The following PCLO variants were observed in gnomAD, a reference collection of about 807,000 sequenced individuals.
The protein encoded by PCLO is protein piccolo.
A neutral mutation model predicts 427.5 loss-of-function variants in PCLO; 82 were observed. The ratio of observed to expected loss-of-function variants is 0.19; its 90% CI spans 0.16 to 0.23. The LOEUF is 0.23. Among genes scored for constraint, PCLO ranks in the 10% least tolerant of loss-of-function variants. The pLI, the probability that PCLO is intolerant of heterozygous loss-of-function variation, is 1.00. For synonymous variants in PCLO, 2,357 were observed against 2,155.4 expected (o/e 1.09, Z -2.59); for missense variants, 6,239 against 6,115.9 (o/e 1.02, Z -0.67).
intron 3 of PCLO, among the ~76,000 whole-genome samples, chr7:83,077,177 T>G (rs1187691298): frequency 6.6e-6 from 1 of 152,124 alleles, no homozygotes; most frequent in East Asian, 1.9e-4. Context: ...AGCAAAGAAG[T>G]GGTATTTGCT....
At chr7:82,795,266 C>G (rs1466500627) in intron 22 of PCLO, among the ~76,000 whole-genome samples, 1 of 152,078 alleles carries the variant, frequency 6.6e-6, no homozygotes, top group Non-Finnish European at 1.5e-5. Flanking sequence ...TACTTTAAAA[C>G]CATATATGGA....
At chr7:83,106,571 TTA>T (rs1322559391) in intron 3 of PCLO, among the ~76,000 whole-genome samples, 1 of 152,164 alleles carries the variant, frequency 6.6e-6, no homozygotes, top group African/African-American at 2.4e-5. Flanking sequence ...TTTCACTGGA[TTA>T]TGAGTTTTGT....
rs767771680 is a variant in PCLO at position 83,134,783 on chromosome 7, G to C, written c.2767C>G (p.Pro923Ala). 5.6e-6 allele frequency: 9 copies of C among 1,613,954 alleles called. No homozygotes were observed. The South Asian group carries it at 8.8e-5, about 16-fold the overall frequency. The change falls in exon 3 of 25, where the codon CCT becomes GCT. Residue 923 changes from proline to alanine, a missense_variant. By Grantham distance (27) the Pro-to-Ala change is conservative. Transcript: ENST00000333891. ...TDAPKSQPTT[P>A]QETVTGKLFG... is the part of the protein sequence containing the mutation. ...AGTTTCCCAGTCACGGTCTCTTGAG[G>C]AGTTGTAGGCTGTGATTTGGGGGCA... is the stretch of plus-strand genomic sequence containing the variant.
intron 20 of PCLO, among the ~76,000 whole-genome samples, chr7:82,819,175 T>C (rs1368153253): frequency 1.3e-5 from 2 of 152,164 alleles, no homozygotes; most frequent in Non-Finnish European, 2.9e-5. Flanking sequence ...CAAGGCTTTT[T>C]AATTTATCGT....
chr7:83,049,273 CA>C (rs1789176753), intron 3 of PCLO, among the ~76,000 whole-genome samples: 1 of 152,092 alleles, frequency 6.6e-6, no homozygotes, highest in Non-Finnish European at 1.5e-5. Context: ...AGGCATGATA[CA>C]AAAGCACTTT....
intron 2 of PCLO, among the ~76,000 whole-genome samples, chr7:83,137,765 G>T (rs1252540618): frequency 2.0e-5 from 3 of 152,014 alleles, no homozygotes; most frequent in African/African-American, 7.2e-5. Context: ...TGCAATATGG[G>T]TATTATACAC....
chr7:82,955,445 T>A lies in PCLO; in HGVS notation c.5508A>T (p.Ala1836=), dbSNP rs1243265964. ...PPSNLSPIED[A]SPTEELRQAA... The stretch of plus-strand genomic sequence containing the variant: ...CCTGACGTAACTCTTCTGTCGGAGA[T>A]GCATCTTCAATGGGAGAGAGATTAC... Residue 1836 remains alanine (A), a synonymous_variant, in exon 5 of 25, where the codon GCA becomes GCT. Transcript: ENST00000333891. 1 of 1,613,706 alleles carries A rather than the reference T, an allele frequency of 6.2e-7. No homozygotes were observed. The highest frequency in any genetic ancestry group is 1.7e-5 in the Admixed American group (1 of 59,968).
intron 12 of PCLO, 148 bp from the exon 13 acceptor site, chr7:82,845,633 T>C (rs148198403): frequency 1.8e-5 from 11 of 622,170 alleles, no homozygotes; most frequent in African/African-American, 1.7e-4. Context: ...ATTGTACTTT[T>C]ATGTATCAAT....
chr7:82,888,611 T>TA (rs889074979), intron 9 of PCLO, among the ~76,000 whole-genome samples: 13 of 151,902 alleles, frequency 8.6e-5, no homozygotes, highest in Middle Eastern at 3.4e-3. Context: ...CAAATCTTTT[T>TA]AAAAAAAAGA....
chr7:82,927,576 G>A (rs1187659929), intron 6 of PCLO, among the ~76,000 whole-genome samples: 1 of 151,984 alleles, frequency 6.6e-6, no homozygotes, highest in Non-Finnish European at 1.5e-5. Context: ...TGATTATACG[G>A]CATCCAAATG....
chr7:83,131,490 C>T (rs1791570984), intron 3 of PCLO, among the ~76,000 whole-genome samples: 1 of 152,006 alleles, frequency 6.6e-6, no homozygotes, highest in Non-Finnish European at 1.5e-5. Flanking sequence ...AACAGAATAG[C>T]CAAAGGGAGA....
chr7:83,037,666 G>A (rs958681477), intron 3 of PCLO, among the ~76,000 whole-genome samples: 13 of 151,246 alleles, frequency 8.6e-5, no homozygotes, highest in African/African-American at 3.2e-4. Context: ...TAAAGAAGAA[G>A]AGGCATATCC....
At chr7:82,780,756 C>T (rs1790856191) in intron 22 of PCLO, among the ~76,000 whole-genome samples, 1 of 152,122 alleles carries the variant, frequency 6.6e-6, no homozygotes, top group Admixed American at 6.6e-5. Context: ...TTCTTCTAAG[C>T]CCACATATGT....
At chr7:82,909,084 C>A in intron 7 of PCLO, 71 bp from the exon 8 acceptor site, 3 of 1,481,588 alleles carry the variant, frequency 2.0e-6, no homozygotes, top group African/African-American at 2.8e-5. Flanking sequence ...AGCAGATGTT[C>A]TGTAGTACTA....
At chr7:82,972,170 T>C (rs2115708966) in intron 3 of PCLO, among the ~76,000 whole-genome samples, 1 of 152,112 alleles carries the variant, frequency 6.6e-6, no homozygotes, top group African/African-American at 2.4e-5. Flanking sequence ...TGTCAGCTAG[T>C]ACATGTTAAT....
At chr7:83,073,966 A>G (rs10242003) in intron 3 of PCLO, among the ~76,000 whole-genome samples, 35,613 of 151,516 alleles carry the variant, frequency 0.24, 4,760 homozygotes, top group East Asian at 0.56. Flanking sequence ...ATTAAATCTC[A>G]ATACCATTTG....
At chr7:83,044,084 C>A (rs1789043059) in intron 3 of PCLO, among the ~76,000 whole-genome samples, 1 of 151,934 alleles carries the variant, frequency 6.6e-6, no homozygotes, top group Non-Finnish European at 1.5e-5. Context: ...AGGAAACTTA[C>A]AACCATGGCG....
intron 2 of PCLO, among the ~76,000 whole-genome samples, chr7:83,138,353 C>G (rs908402722): frequency 6.6e-6 from 1 of 152,042 alleles, no homozygotes; most frequent in Non-Finnish European, 1.5e-5. Flanking sequence ...AAGGCAAATA[C>G]CACTGAATAA....
chr7:83,157,333 T>C (rs1397543967), intron 1 of PCLO, among the ~76,000 whole-genome samples: 1 of 152,158 alleles, frequency 6.6e-6, no homozygotes, highest in Non-Finnish European at 1.5e-5. Context: ...ATGGGAAGCA[T>C]AATAGATGCT....
Sources: allele counts gnomAD v4.1 joint callset (sites outside exome capture counted in the v4.1 genomes callset), GRCh38; gene constraint gnomAD v4.1.1; transcripts MANE v1.5; gene names NCBI Gene and HGNC (gene_info 2026-07-23, HGNC 2026-07-21).